Variants in VEPH1 observed in about 807,000 individuals in gnomAD.
VEPH1 encodes the protein ventricular zone-expressed PH domain-containing protein homolog 1.
A neutral mutation model predicts 85.2 loss-of-function variants in VEPH1; 80 were observed. The ratio of observed to expected loss-of-function variants is 0.94; its 90% CI spans 0.78 to 1.13. The LOEUF (loss-of-function observed/expected upper bound fraction) is 1.13, where lower values mean the gene tolerates loss of function less well. Ranked by LOEUF, VEPH1 falls within the 50% of genes most tolerant of loss-of-function variation. VEPH1 has a pLI of 0.00. For missense variants in VEPH1, 955 were observed against 980.5 expected, an observed-to-expected ratio of 0.97 and a Z score of 0.35; for synonymous variants, 297 against 348.0, an observed-to-expected ratio of 0.85 and a Z score of 1.63.
At chr3:157,361,151 T>A (rs1349559884) in intron 9 of VEPH1, among the ~76,000 whole-genome samples, 1 of 152,220 alleles carries the variant, frequency 6.6e-6, no homozygotes, top group African/African-American at 2.4e-5. Context: ...TTGATTTTGA[T>A]GGAATTTTAT....
chr3:157,351,824 C>A (rs1724898662), intron 9 of VEPH1, among the ~76,000 whole-genome samples: 1 of 152,150 alleles, frequency 6.6e-6, no homozygotes, highest in Non-Finnish European at 1.5e-5. Flanking sequence ...TGGATTAATT[C>A]TTTGTTTTGG....
At chr3:157,333,523 T>C (rs1310890115) in intron 9 of VEPH1, among the ~76,000 whole-genome samples, 1 of 152,220 alleles carries the variant, frequency 6.6e-6, no homozygotes, top group Non-Finnish European at 1.5e-5. Context: ...GAATTTTAAA[T>C]CAAATACACA....
At chr3:157,470,648 G>T in intron 2 of VEPH1, 119 bp from the exon 3 acceptor site, 1 of 892,466 alleles carries the variant, frequency 1.1e-6, no homozygotes, top group Non-Finnish European at 1.7e-6. Context: ...TAAGGGGTGA[G>T]GGTGTAAAGC....
chr3:157,285,845 T>C (rs966125445), intron 12 of VEPH1, among the ~76,000 whole-genome samples: 3 of 152,228 alleles, frequency 2.0e-5, no homozygotes, highest in African/African-American at 7.2e-5. Flanking sequence ...TGTTAATTTA[T>C]CTTTGTGACC....
At chr3:157,264,752 A>G (rs1396895941) in intron 13 of VEPH1, among the ~76,000 whole-genome samples, 1 of 152,184 alleles carries the variant, frequency 6.6e-6, no homozygotes, top group Non-Finnish European at 1.5e-5. Flanking sequence ...GTTGCATAGT[A>G]GGCACTGAAA....
chr3:157,298,776 A>G (rs1481274954), intron 11 of VEPH1, among the ~76,000 whole-genome samples: 2 of 152,192 alleles, frequency 1.3e-5, no homozygotes, highest in Non-Finnish European at 2.9e-5. Context: ...ATTCTAGGAA[A>G]TAGTTTTTTT....
chr3:157,457,720 C>T (rs1263982904), intron 4 of VEPH1, among the ~76,000 whole-genome samples: 1 of 152,192 alleles, frequency 6.6e-6, no homozygotes, highest in East Asian at 1.9e-4. Flanking sequence ...ATAAAGCCTA[C>T]TTGATCATGA....
chr3:157,443,528 T>C (rs1046113524), intron 4 of VEPH1: 2 of 152,758 alleles, frequency 1.3e-5, no homozygotes, highest in Non-Finnish European at 2.9e-5. Context: ...AAAAGGGATT[T>C]GTATTAATTT....
At chr3:157,374,847 A>G (rs1727912940) in intron 7 of VEPH1, among the ~76,000 whole-genome samples, 1 of 152,246 alleles carries the variant, frequency 6.6e-6, no homozygotes, top group South Asian at 2.1e-4. Context: ...AGGAATAGGC[A>G]AAAGTTACCC....
chr3:157,448,067 C>G (rs1380633047), intron 4 of VEPH1, among the ~76,000 whole-genome samples: 1 of 151,818 alleles, frequency 6.6e-6, no homozygotes, highest in Non-Finnish European at 1.5e-5. Flanking sequence ...CTATTTAAGT[C>G]TCATACATCC....
chr3:157,343,608 G>C (rs544207527), intron 9 of VEPH1, among the ~76,000 whole-genome samples: 1 of 152,274 alleles, frequency 6.6e-6, no homozygotes, highest in South Asian at 2.1e-4. Context: ...ACAAGGAGGA[G>C]CTGGTACCAT....
chr3:157,262,087 C>T (rs1712983932), intron 13 of VEPH1, among the ~76,000 whole-genome samples: 1 of 152,068 alleles, frequency 6.6e-6, no homozygotes, highest in Non-Finnish European at 1.5e-5. Flanking sequence ...TCTCCTTGCC[C>T]ACCTCTCCTG....
chr3:157,495,118 T>C, intron 2 of VEPH1, 94 bp downstream of exon 2: 1 of 1,291,140 alleles, frequency 7.7e-7, no homozygotes. Flanking sequence ...ATTTCCTCTT[T>C]CCCCTGCAAA....
chr3:157,356,014 C>T (rs1440453792), intron 9 of VEPH1, among the ~76,000 whole-genome samples: 1 of 151,864 alleles, frequency 6.6e-6, no homozygotes, highest in Non-Finnish European at 1.5e-5. Context: ...ATTCTCTCAC[C>T]TCAGCCTCCC....
At chr3:157,295,964 T>A (rs80108283) in intron 11 of VEPH1, among the ~76,000 whole-genome samples, 479 of 151,996 alleles carry the variant, frequency 3.2e-3, no homozygotes, top group African/African-American at 5.4e-3. Flanking sequence ...CAAAAAAAAA[T>A]AAATAAATAA....
intron 11 of VEPH1, among the ~76,000 whole-genome samples, chr3:157,304,689 A>G (rs1267306994): frequency 4.6e-5 from 7 of 152,124 alleles, no homozygotes; most frequent in African/African-American, 1.7e-4. Context: ...CTTAGAATCT[A>G]TTTTTCTTCA....
At chr3:157,386,248 C>CAGAA (rs1377034759) in intron 6 of VEPH1, among the ~76,000 whole-genome samples, 3 of 11,906 alleles carry the variant, frequency 2.5e-4, no homozygotes, top group Non-Finnish European at 4.4e-4. Flanking sequence ...AAAATGGTTC[C>CAGAA]ACAAAAAAAA....
At chr3:157,366,739 CAACAACAACAACAACAACAAAAACA>C (rs1434705739) in intron 7 of VEPH1, among the ~76,000 whole-genome samples, 15 of 146,958 alleles carry the variant, frequency 1.0e-4, no homozygotes, top group African/African-American at 3.7e-4. Flanking sequence ...GTCTCAAAAA[CAACAACAACAACAACAACAAAAACA>C]AACAACAACA....
At chr3:157,317,768 G>A (rs1720898409) in intron 9 of VEPH1, among the ~76,000 whole-genome samples, 1 of 152,182 alleles carries the variant, frequency 6.6e-6, no homozygotes, top group Non-Finnish European at 1.5e-5. Flanking sequence ...AGGAAGTAGT[G>A]GGTGAGTGGT....
Sources: gnomAD v4.1 joint callset for allele counts (sites outside exome capture counted in the v4.1 genomes callset) on GRCh38, gnomAD v4.1.1 for gene constraint, MANE v1.5 for transcripts, NCBI Gene and HGNC (gene_info 2026-07-23, HGNC 2026-07-21) for gene names.